The following TCF4 variants were observed in gnomAD, a reference collection of about 807,000 sequenced individuals.
TCF4 encodes transcription factor 4, also known as SL3-3 enhancer factor 2.
Under a neutral mutation model 82.1 loss-of-function variants are expected in TCF4, and 3 were observed. The observed-to-expected ratio is 0.04, with a 90% CI of 0.02 to 0.09. The LOEUF is 0.09. TCF4 is among the 10% of genes least tolerant of loss of function. The pLI, the probability that TCF4 is intolerant of heterozygous loss-of-function variation, is 1.00. For missense variants in TCF4, 518 were observed against 852.7 expected (o/e 0.61, Z 4.89); for synonymous variants, 276 against 309.6 (o/e 0.89, Z 1.14).
chr18:55,361,144 T>C (rs1328281954), intron 6 of TCF4, among the ~76,000 whole-genome samples: 2 of 152,126 alleles, frequency 1.3e-5, no homozygotes, highest in Admixed American at 6.5e-5. Flanking sequence ...CTCCCCATCA[T>C]CCAACCTCAC....
At chr18:55,392,462 C>CAAAAAAAAAAAA (rs772409228) in intron 6 of TCF4, among the ~76,000 whole-genome samples, 3 of 95,524 alleles carry the variant, frequency 3.1e-5, no homozygotes, top group East Asian at 3.1e-4. Flanking sequence ...AACAACCCCA[C>CAAAAAAAAAAAA]AAAAAAAAAA....
At chr18:55,353,396 A>G (rs1015175342) in intron 6 of TCF4, among the ~76,000 whole-genome samples, 5 of 152,188 alleles carry the variant, frequency 3.3e-5, no homozygotes, top group Admixed American at 3.3e-4. Flanking sequence ...AGGACCAGAT[A>G]GCACTTACAA....
At chr18:55,324,364 G>C (rs2076205137) in intron 8 of TCF4, among the ~76,000 whole-genome samples, 1 of 152,202 alleles carries the variant, frequency 6.6e-6, no homozygotes, top group Admixed American at 6.5e-5. Flanking sequence ...CAGAACTCAA[G>C]TCAGTGGCTT....
chr18:55,523,300 C>A (rs2096948742), intron 3 of TCF4, among the ~76,000 whole-genome samples: 1 of 151,392 alleles, frequency 6.6e-6, no homozygotes. Context: ...TAAAACTGAC[C>A]CAAGAAAACA....
intron 3 of TCF4, among the ~76,000 whole-genome samples, chr18:55,486,586 T>C (rs974221100): frequency 2.0e-5 from 3 of 152,086 alleles, no homozygotes; most frequent in African/African-American, 7.2e-5. Flanking sequence ...AGTGAGACTC[T>C]TGTATCAAAA....
chr18:55,298,242 A>G (rs1233492171), intron 8 of TCF4, among the ~76,000 whole-genome samples: 1 of 152,236 alleles, frequency 6.6e-6, no homozygotes, highest in Non-Finnish European at 1.5e-5. Context: ...ATGCTGGTTC[A>G]TCTGAGTGAG....
chr18:55,362,385 G>C (rs148750860), intron 6 of TCF4, among the ~76,000 whole-genome samples: 5 of 82,786 alleles, frequency 6.0e-5, no homozygotes, highest in Non-Finnish European at 7.0e-5. Context: ...AAGGAAGGAA[G>C]GAAGGAAAGA....
At chr18:55,284,793 G>A (rs1365080009) in intron 8 of TCF4, among the ~76,000 whole-genome samples, 1 of 152,208 alleles carries the variant, frequency 6.6e-6, no homozygotes, top group African/African-American at 2.4e-5. Context: ...CCAAGTACTG[G>A]CTGGGCTCAT....
At chr18:55,444,482 G>A (rs935759229) in intron 5 of TCF4, among the ~76,000 whole-genome samples, 1 of 152,172 alleles carries the variant, frequency 6.6e-6, no homozygotes, top group Non-Finnish European at 1.5e-5. Context: ...AAGTTTTCCA[G>A]TTGCGCTTTT....
At chr18:55,299,395 G>C (rs2067428816) in intron 8 of TCF4, among the ~76,000 whole-genome samples, 3 of 151,558 alleles carry the variant, frequency 2.0e-5, no homozygotes, top group South Asian at 4.2e-4. Flanking sequence ...CTGGGCAACA[G>C]AGCGAGACTC....
chr18:55,474,627 G>T (rs1348113516), intron 3 of TCF4, among the ~76,000 whole-genome samples: 1 of 152,036 alleles, frequency 6.6e-6, no homozygotes, highest in African/African-American at 2.4e-5. Flanking sequence ...ATACTCCAAG[G>T]AACCTCATAA....
intron 3 of TCF4, among the ~76,000 whole-genome samples, chr18:55,496,836 C>G (rs987254932): frequency 7.0e-6 from 1 of 143,194 alleles, no homozygotes; most frequent in African/African-American, 2.6e-5. Context: ...TGAAACACAG[C>G]AGTCTACAAT....
chr18:55,270,059 T>G, intron 10 of TCF4, 96 bp from the exon 11 acceptor site: 1 of 1,494,654 alleles, frequency 6.7e-7, no homozygotes, highest in Non-Finnish European at 9.3e-7. Flanking sequence ...TATTTTACAA[T>G]GGAGACAGCT....
chr18:55,273,984 C>T (rs140909960), intron 10 of TCF4, among the ~76,000 whole-genome samples: 7 of 152,178 alleles, frequency 4.6e-5, no homozygotes, highest in African/African-American at 7.2e-5. Flanking sequence ...GAAAGAAACA[C>T]AGAAGGGAAG....
intron 6 of TCF4, among the ~76,000 whole-genome samples, chr18:55,383,475 G>A (rs1288182040): frequency 3.3e-5 from 5 of 152,106 alleles, no homozygotes; most frequent in African/African-American, 4.8e-5. Flanking sequence ...CAGGTGACTC[G>A]ACCCACACAA....
chr18:55,417,651 A>G (rs1286549109), intron 5 of TCF4, among the ~76,000 whole-genome samples: 1 of 152,200 alleles, frequency 6.6e-6, no homozygotes, highest in African/African-American at 2.4e-5. Flanking sequence ...GACAAGTTTT[A>G]TAAGCTCCCT....
intron 5 of TCF4, among the ~76,000 whole-genome samples, chr18:55,439,780 C>T (rs773356719): frequency 2.6e-5 from 4 of 152,146 alleles, no homozygotes; most frequent in East Asian, 1.9e-4. Context: ...AAGAGTATAA[C>T]GGCATGATCT....
intron 8 of TCF4, among the ~76,000 whole-genome samples, chr18:55,345,058 C>T (rs947616228): frequency 6.6e-6 from 1 of 151,946 alleles, no homozygotes. Flanking sequence ...TCCAAAATTC[C>T]AAACAAAAAT....
chr18:55,451,137 T>A (rs543247088), intron 5 of TCF4, among the ~76,000 whole-genome samples: 8 of 152,362 alleles, frequency 5.3e-5, no homozygotes, highest in African/African-American at 1.9e-4. Context: ...TGCTCCTGCC[T>A]TCTGTTCCAA....
Sources: allele counts gnomAD v4.1 joint callset (sites outside exome capture counted in the v4.1 genomes callset), GRCh38; gene constraint gnomAD v4.1.1; transcripts MANE v1.5; gene names NCBI Gene and HGNC (gene_info 2026-07-23, HGNC 2026-07-21).